Variants in RPS6KA2 observed in about 807,000 individuals in gnomAD.
The protein encoded by RPS6KA2 is ribosomal protein S6 kinase A2.
RPS6KA2 carries 42 observed loss-of-function variants against 91.8 expected under a neutral mutation model. That is an observed-to-expected ratio of 0.46 (90% CI 0.36 to 0.59). RPS6KA2 has a LOEUF of 0.59. RPS6KA2 is among the 20% of genes least tolerant of loss of function. RPS6KA2 has a pLI of 0.00. For missense variants in RPS6KA2, 798 were observed against 978.5 expected (o/e 0.82, Z 2.46); for synonymous variants, 414 against 393.6 (o/e 1.05, Z -0.61).
At chr6:166,729,087 T>C (rs1294283846) in intron 2 of RPS6KA2, among the ~76,000 whole-genome samples, 1 of 152,174 alleles carries the variant, frequency 6.6e-6, no homozygotes, top group Non-Finnish European at 1.5e-5. Flanking sequence ...TGCTCTTCCC[T>C]CTCATCGCTC....
At chr6:166,634,353 C>T (rs1787169557) in intron 2 of RPS6KA2, among the ~76,000 whole-genome samples, 1 of 152,178 alleles carries the variant, frequency 6.6e-6, no homozygotes, top group African/African-American at 2.4e-5. Context: ...GGAAATGGGG[C>T]CGGACGTTTC....
chr6:166,693,298 T>G (rs1789262495), intron 2 of RPS6KA2, among the ~76,000 whole-genome samples: 1 of 152,250 alleles, frequency 6.6e-6, no homozygotes, highest in Admixed American at 6.5e-5. Context: ...CTGAGAAGGC[T>G]GCAGATCAAG....
intron 15 of RPS6KA2, among the ~76,000 whole-genome samples, chr6:166,431,177 C>T (rs1418474995): frequency 6.6e-6 from 1 of 152,226 alleles, no homozygotes; most frequent in East Asian, 1.9e-4. Flanking sequence ...ATCCGCCTGC[C>T]TCAGCCTCCC....
exon 1 of RPS6KA2, chr6:166,862,480 G>T: frequency 1.2e-6 from 1 of 847,908 alleles, no homozygotes; most frequent in Non-Finnish European, 1.6e-6. Context: ...GGAAAGGAGG[G>T]GACGGCGCTG....
chr6:166,747,169 T>G (rs933917741), intron 2 of RPS6KA2, among the ~76,000 whole-genome samples: 1 of 151,766 alleles, frequency 6.6e-6, no homozygotes, highest in Non-Finnish European at 1.5e-5. Flanking sequence ...GGGTTGGGGG[T>G]GGGGATGAAA....
At chr6:166,517,463 T>TTTTG (rs1782692317) in intron 3 of RPS6KA2, among the ~76,000 whole-genome samples, 1 of 54,836 alleles carries the variant, frequency 1.8e-5, no homozygotes, top group African/African-American at 5.0e-5. Flanking sequence ...TTGTTTTTTT[T>TTTTG]TTTTTTTTTT....
chr6:166,710,801 G>T (rs1298815595), intron 2 of RPS6KA2, among the ~76,000 whole-genome samples: 1 of 152,104 alleles, frequency 6.6e-6, no homozygotes, highest in Non-Finnish European at 1.5e-5. Flanking sequence ...AATTCCCTGG[G>T]TTTTCCTTTG....
intron 2 of RPS6KA2, among the ~76,000 whole-genome samples, chr6:166,758,682 G>A (rs1451980855): frequency 6.6e-6 from 1 of 152,218 alleles, no homozygotes; most frequent in Non-Finnish European, 1.5e-5. Context: ...ACAGACAATA[G>A]AGGCCACGGC....
rs570479984 is a variant in RPS6KA2 at position 166,457,468 on chromosome 6, C to T, written c.1075+1981G>A. ...AGGTGAAAATCCCACAGTCACTTAC[C>T]GGAGAGAGCAGACCCAGAAGTGTTC... is the stretch of plus-strand genomic sequence containing the variant. On this transcript the variant is annotated intron_variant, in intron 12 of 20. Coordinates refer to ENST00000265678, the MANE Select transcript of RPS6KA2 (RefSeq NM_021135.6). Among the ~76,000 whole-genome samples the T allele has an allele frequency of 2.1e-4, 32 of 152,240 alleles. No individual in the cohort carries two copies. In the South Asian group the frequency reaches 5.4e-3, roughly 26 times the overall value.
In RPS6KA2 at chr6:166,665,179, G is replaced by A. The variant is rs1788280270; in HGVS notation, c.124-126395C>T. On this transcript the variant is annotated intron_variant, in intron 2 of 21. Coordinates refer to the RPS6KA2 transcript ENST00000503859. The surrounding 1 kb of genome is among the most constrained non-coding windows in gnomAD (Gnocchi z 4.5). The stretch of plus-strand genomic sequence containing the variant: ...CCTTCCATACAGAACAACATCTGCA[G>A]GGCTCACAGACAGAGGAATGCCCCC... Among the ~76,000 whole-genome samples the A allele has an allele frequency of 6.6e-6, 1 of 151,936 alleles. No homozygotes were observed.
At chr6:166,441,098 C>T (rs759745185) in intron 14 of RPS6KA2, among the ~76,000 whole-genome samples, 24 of 152,164 alleles carry the variant, frequency 1.6e-4, no homozygotes, top group Admixed American at 2.6e-4. Flanking sequence ...TTTATGCCAC[C>T]GTTTTCCTCA....
intron 2 of RPS6KA2, among the ~76,000 whole-genome samples, chr6:166,719,634 T>G (rs1489683216): frequency 6.6e-6 from 1 of 152,264 alleles, no homozygotes; most frequent in Non-Finnish European, 1.5e-5. Context: ...TGTTTGATCA[T>G]GTATTATTAA....
chr6:166,751,545 T>G (rs1055743937), intron 2 of RPS6KA2, among the ~76,000 whole-genome samples: 4 of 152,222 alleles, frequency 2.6e-5, no homozygotes, highest in African/African-American at 9.6e-5. Context: ...GACAGGGGCT[T>G]GAGGCTTGGC....
chr6:166,795,549 C>A (rs1455871574), intron 2 of RPS6KA2, among the ~76,000 whole-genome samples: 15 of 152,206 alleles, frequency 9.9e-5, no homozygotes, highest in Admixed American at 9.8e-4. Flanking sequence ...ATTCTCTAAG[C>A]TCTTCTGAAT....
chr6:166,793,547 T>G (rs919627987), intron 2 of RPS6KA2, among the ~76,000 whole-genome samples: 2 of 148,678 alleles, frequency 1.3e-5, no homozygotes, highest in African/African-American at 5.0e-5. Flanking sequence ...CATCGCCAAG[T>G]CAATCCTAAG....
At position 166,821,745 on chromosome 6, in the gene RPS6KA2, C is replaced by T. The variant is rs2242573; in HGVS notation, c.123+36455G>A. On this transcript the variant is annotated intron_variant, in intron 2 of 21. Coordinates refer to the RPS6KA2 transcript ENST00000503859. The surrounding 1 kb of genome is among the most constrained non-coding windows in gnomAD (Gnocchi z 4.1). ...AAAAACCATGTTTGCTGAGGATGCC[C>T]AGTAGTAAGGCCCTGACCCTTCTGT... Among the ~76,000 whole-genome samples the T allele has an allele frequency of 0.5, 75,276 of 151,900 alleles. 19,647 individuals carry two copies. Among genetic ancestry groups the T allele is most frequent in the Middle Eastern group, 0.63 (184 of 294 alleles).
At chr6:166,663,347 T>G (rs1410598369) in intron 2 of RPS6KA2, among the ~76,000 whole-genome samples, 3 of 151,880 alleles carry the variant, frequency 2.0e-5, no homozygotes, top group Non-Finnish European at 2.9e-5. Context: ...AACCTGCGAG[T>G]GACAATGAAC....
chr6:166,589,371 T>C (rs572345673), intron 1 of RPS6KA2, among the ~76,000 whole-genome samples: 3 of 152,372 alleles, frequency 2.0e-5, no homozygotes, highest in Admixed American at 1.3e-4. Context: ...TATGCACTTT[T>C]GTGAGCACTT....
chr6:166,421,735 C>G (rs796212650), intron 17 of RPS6KA2, among the ~76,000 whole-genome samples: 1 of 152,128 alleles, frequency 6.6e-6, no homozygotes, highest in Non-Finnish European at 1.5e-5. Context: ...TGTTAATAAA[C>G]TTCTTTTTCT....
Sources: allele counts gnomAD v4.1 joint callset (sites outside exome capture counted in the v4.1 genomes callset), GRCh38; gene constraint gnomAD v4.1.1; non-coding constraint Gnocchi (gnomAD v3.1); transcripts MANE v1.5; gene names NCBI Gene and HGNC (gene_info 2026-07-23, HGNC 2026-07-21).